ROBO2: variants seen among roughly 807,000 people sequenced by gnomAD.
ROBO2 encodes roundabout homolog 2.
Under a neutral mutation model 160.8 loss-of-function variants are expected in ROBO2, and 53 were observed. The ratio of observed to expected loss-of-function variants is 0.33; its 90% CI spans 0.26 to 0.41. The LOEUF (loss-of-function observed/expected upper bound fraction) is 0.41. ROBO2 is among the 10% of genes least tolerant of loss of function. The pLI, the probability that ROBO2 is intolerant of heterozygous loss-of-function variation, is 1.00. For synonymous variants in ROBO2, 664 were observed against 611.7 expected (o/e 1.09, Z -1.26); for missense variants, 1,577 against 1,722.4 (o/e 0.92, Z 1.49).
chr3:76,173,525 CT>C (rs1478420755), intron 2 of ROBO2, among the ~76,000 whole-genome samples: 5 of 151,856 alleles, frequency 3.3e-5, no homozygotes, highest in Non-Finnish European at 5.9e-5. Context: ...ACCCCCACCC[CT>C]GACAGGCCCC....
At chr3:76,969,558 A>C (rs2149275032) in intron 2 of ROBO2, among the ~76,000 whole-genome samples, 1 of 152,328 alleles carries the variant, frequency 6.6e-6, no homozygotes, top group South Asian at 2.1e-4. Context: ...AGATTTGTTA[A>C]AAATAATTCT....
At chr3:77,258,149 A>G (rs901358328) in intron 2 of ROBO2, among the ~76,000 whole-genome samples, 5 of 152,260 alleles carry the variant, frequency 3.3e-5, no homozygotes, top group African/African-American at 1.2e-4. Flanking sequence ...TAAGGGCCAC[A>G]TGCCGTGAAA....
At chr3:76,252,013 G>A (rs1372868640) in intron 2 of ROBO2, among the ~76,000 whole-genome samples, 1 of 151,998 alleles carries the variant, frequency 6.6e-6, no homozygotes, top group Non-Finnish European at 1.5e-5. Context: ...TTTTGAGAGA[G>A]CCAGAGGACT....
At chr3:77,377,887 CAG>C (rs2153483035) in intron 2 of ROBO2, among the ~76,000 whole-genome samples, 1 of 152,288 alleles carries the variant, frequency 6.6e-6, no homozygotes, top group Admixed American at 6.5e-5. Context: ...GGCGGCCAAA[CAG>C]AGCAGTTCAG....
chr3:76,415,958 G>A (rs1196551951), intron 2 of ROBO2, among the ~76,000 whole-genome samples: 1 of 152,072 alleles, frequency 6.6e-6, no homozygotes, highest in East Asian at 1.9e-4. Context: ...TGGTTTGGGA[G>A]CTAATGTTCT....
chr3:77,089,565 AT>A (rs1160675626), intron 1 of ROBO2, among the ~76,000 whole-genome samples: 1 of 152,158 alleles, frequency 6.6e-6, no homozygotes, highest in Non-Finnish European at 1.5e-5. Context: ...CTAGGTCTCA[AT>A]TTTGATTTTG....
At chr3:76,467,457 C>T (rs777078823) in intron 2 of ROBO2, among the ~76,000 whole-genome samples, 8 of 152,042 alleles carry the variant, frequency 5.3e-5, no homozygotes, top group East Asian at 1.9e-4. Context: ...AGGTGGTGGT[C>T]ACCAAATATT....
chr3:76,811,299 C>A (rs1365159644), intron 2 of ROBO2, among the ~76,000 whole-genome samples: 3 of 152,090 alleles, frequency 2.0e-5, no homozygotes, highest in African/African-American at 7.2e-5. Context: ...TAAGTGAAAA[C>A]ACAGAATAGT....
intron 2 of ROBO2, among the ~76,000 whole-genome samples, chr3:76,491,146 G>A (rs2079799915): frequency 6.6e-6 from 1 of 152,004 alleles, no homozygotes; most frequent in East Asian, 1.9e-4. Flanking sequence ...TTTTAGTAGA[G>A]ATGGGGTTTC....
chr3:76,289,563 C>T (rs1386400694), intron 2 of ROBO2, among the ~76,000 whole-genome samples: 1 of 152,082 alleles, frequency 6.6e-6, no homozygotes, highest in East Asian at 1.9e-4. Flanking sequence ...GAAATCTTTG[C>T]TGGAGCCTAG....
intron 2 of ROBO2, among the ~76,000 whole-genome samples, chr3:75,979,086 A>G (rs1409616084): frequency 2.6e-5 from 4 of 151,584 alleles, no homozygotes; most frequent in African/African-American, 7.3e-5. Flanking sequence ...AACTGCTCCC[A>G]GCTCAGAGAG....
At chr3:76,798,632 C>G (rs2063957357) in intron 2 of ROBO2, among the ~76,000 whole-genome samples, 1 of 152,136 alleles carries the variant, frequency 6.6e-6, no homozygotes, top group African/African-American at 2.4e-5. Flanking sequence ...TGGCTCATGC[C>G]TATAATCCCA....
At chr3:77,330,413 G>C (rs1025895526) in intron 2 of ROBO2, among the ~76,000 whole-genome samples, 3 of 152,204 alleles carry the variant, frequency 2.0e-5, no homozygotes, top group African/African-American at 4.8e-5. Context: ...AGCTACTCAG[G>C]AGGCTGACGC....
intron 2 of ROBO2, among the ~76,000 whole-genome samples, chr3:76,991,450 A>G (rs1278895571): frequency 6.6e-6 from 1 of 152,142 alleles, no homozygotes; most frequent in African/African-American, 2.4e-5. Flanking sequence ...ACCAATTACA[A>G]TGAAATGTTG....
intron 2 of ROBO2, among the ~76,000 whole-genome samples, chr3:76,396,308 T>G (rs528067090): frequency 9.0e-4 from 137 of 152,236 alleles, no homozygotes; most frequent in African/African-American, 3.2e-3. Context: ...AATTAGGTAT[T>G]GATGGGACGT....
At chr3:76,583,130 C>T (rs1300412266) in intron 2 of ROBO2, among the ~76,000 whole-genome samples, 3 of 152,022 alleles carry the variant, frequency 2.0e-5, no homozygotes, top group East Asian at 3.9e-4. Context: ...TGCCAGGAGG[C>T]AAAACATGAA....
At chr3:77,016,936 A>G (rs1388984051) in intron 2 of ROBO2, among the ~76,000 whole-genome samples, 7 of 152,214 alleles carry the variant, frequency 4.6e-5, no homozygotes, top group East Asian at 1.9e-4. Context: ...TAAGCTTCAT[A>G]TATTATAATA....
chr3:76,549,069 G>A (rs1044798878), intron 2 of ROBO2, among the ~76,000 whole-genome samples: 7 of 152,106 alleles, frequency 4.6e-5, no homozygotes, highest in Non-Finnish European at 1.0e-4. Flanking sequence ...AGATGTTTAT[G>A]ATACTGATCA....
In ROBO2 at chr3:76,744,761, T is replaced by G. The variant is rs865791051; in HGVS notation, c.110-353253T>G. 1.1e-4 allele frequency among the ~76,000 whole-genome samples: 13 copies of G among 119,888 alleles called. 1 individual carries two copies. Among genetic ancestry groups the G allele is most frequent in the Middle Eastern group, 8.0e-3 (2 of 250 alleles). 78.7% of individuals were successfully genotyped at this position (119,888 alleles called of 152,430 possible). Reference sequence around the variant, plus strand: ...TTTTAACATAAACTTAAAAAAAATCTACTAAAAACTCAAATTTAAATAAAT... The same window carrying G: ...TTTTAACATAAACTTAAAAAAAATCGACTAAAAACTCAAATTTAAATAAAT... On this transcript the variant is annotated intron_variant, in intron 2 of 26. Transcript: ENST00000487694.
Sources: gnomAD v4.1 joint callset for allele counts (sites outside exome capture counted in the v4.1 genomes callset) on GRCh38, gnomAD v4.1.1 for gene constraint, MANE v1.5 for transcripts, NCBI Gene and HGNC (gene_info 2026-07-23, HGNC 2026-07-21) for gene names.